Variants in ITPK1 observed in about 807,000 individuals in gnomAD.
ITPK1 encodes the protein inositol-tetrakisphosphate 1-kinase.
In ITPK1, 21 loss-of-function variants were observed where a neutral mutation model predicts 45.3. That is an observed-to-expected ratio of 0.46 (90% CI 0.33 to 0.67). The LOEUF is 0.67. Among genes scored for constraint, ITPK1 ranks in the 30% least tolerant of loss-of-function variants. ITPK1 has a pLI of 0.02. For synonymous variants in ITPK1, 258 were observed against 253.6 expected, an observed-to-expected ratio of 1.02 and a Z score of -0.16; for missense variants, 474 against 573.5, an observed-to-expected ratio of 0.83 and a Z score of 1.77.
intron 4 of ITPK1, among the ~76,000 whole-genome samples, chr14:93,004,399 T>A (rs2139830123): frequency 6.6e-6 from 1 of 152,304 alleles, no homozygotes; most frequent in South Asian, 2.1e-4. Flanking sequence ...AGCTCCCCCA[T>A]CAGCAGACAC....
chr14:93,090,279 T>C (rs1306547755), intron 2 of ITPK1, among the ~76,000 whole-genome samples: 2 of 152,144 alleles, frequency 1.3e-5, no homozygotes, highest in East Asian at 3.9e-4. Flanking sequence ...TGTCCGCCCC[T>C]GGAACGCCCC....
chr14:93,075,179 C>T (rs1891166785), intron 3 of ITPK1, among the ~76,000 whole-genome samples: 1 of 151,500 alleles, frequency 6.6e-6, no homozygotes, highest in South Asian at 2.1e-4. Context: ...ACACAAAAAC[C>T]AGCTGGGTGT....
chr14:92,968,383 A>AG (rs1458297092), intron 5 of ITPK1, among the ~76,000 whole-genome samples: 1 of 152,164 alleles, frequency 6.6e-6, no homozygotes, highest in African/African-American at 2.4e-5. Flanking sequence ...CAATACATTA[A>AG]GGGGAAAAAA....
chr14:93,033,028 C>A (rs1052036274), intron 3 of ITPK1, among the ~76,000 whole-genome samples: 8 of 152,234 alleles, frequency 5.3e-5, no homozygotes, highest in African/African-American at 1.9e-4. Context: ...GAAAGCAGAT[C>A]TGTGCCAATG....
chr14:92,994,339 C>A (rs1248635801), intron 4 of ITPK1, among the ~76,000 whole-genome samples: 1 of 152,174 alleles, frequency 6.6e-6, no homozygotes, highest in Non-Finnish European at 1.5e-5. Context: ...ATGCCCCGCA[C>A]TGATAAGGAC....
chr14:92,986,880 T>A (rs1450648840), intron 5 of ITPK1, among the ~76,000 whole-genome samples: 1 of 152,154 alleles, frequency 6.6e-6, no homozygotes, highest in Non-Finnish European at 1.5e-5. Context: ...TCCAGACCAG[T>A]GCCCTGGGCA....
chr14:93,106,528 T>C (rs1892532527), intron 2 of ITPK1, among the ~76,000 whole-genome samples: 2 of 152,232 alleles, frequency 1.3e-5, no homozygotes, highest in African/African-American at 4.8e-5. Flanking sequence ...GTGGGTCCTT[T>C]AGCTCCTGGA....
At chr14:92,978,874 G>C (rs1185901478) in intron 5 of ITPK1, among the ~76,000 whole-genome samples, 1 of 152,180 alleles carries the variant, frequency 6.6e-6, no homozygotes, top group African/African-American at 2.4e-5. Context: ...TGATGTTAGA[G>C]ACCCCACAGG....
chr14:93,056,754 CT>C (rs1890229750), intron 3 of ITPK1, among the ~76,000 whole-genome samples: 1 of 152,180 alleles, frequency 6.6e-6, no homozygotes, highest in Non-Finnish European at 1.5e-5. Flanking sequence ...GGAGCCCAGG[CT>C]TCAGTGCCAT....
At position 93,115,911 on chromosome 14, in the gene ITPK1, C is replaced by T. The variant is rs1281606383; in HGVS notation, c.-282G>A. 2 of 145,510 alleles carry T rather than the reference C, an allele frequency of 1.4e-5. No homozygotes were observed. The highest frequency in any genetic ancestry group is 3.0e-5 in the Non-Finnish European group (2 of 65,650). 9.0% of individuals were successfully genotyped at this position (145,510 alleles called of 1,614,324 possible). On this transcript the variant is annotated 5_prime_UTR_variant, in exon 1 of 11. Coordinates refer to ENST00000267615, the MANE Select transcript of ITPK1 (RefSeq NM_014216.6). Reference sequence around the variant, plus strand: ...GGCCCGGCCGCCCCGCTTGAGCCCGCGGCGGCGAGGAAGCGGCGGGGCGGC... The same window carrying T: ...GGCCCGGCCGCCCCGCTTGAGCCCGTGGCGGCGAGGAAGCGGCGGGGCGGC...
intron 2 of ITPK1, among the ~76,000 whole-genome samples, chr14:93,097,599 T>C (rs1892132789): frequency 6.6e-6 from 1 of 152,236 alleles, no homozygotes; most frequent in African/African-American, 2.4e-5. Context: ...GGATGGGTTG[T>C]TATGCATCAA....
intron 3 of ITPK1, among the ~76,000 whole-genome samples, chr14:93,075,396 G>T (rs1004575458): frequency 1.4e-5 from 2 of 140,444 alleles, no homozygotes; most frequent in East Asian, 4.4e-4. Context: ...TGCAGAACAT[G>T]CAATTCTCCA....
intron 3 of ITPK1, among the ~76,000 whole-genome samples, chr14:93,047,864 C>T (rs1330118375): frequency 6.6e-6 from 1 of 152,226 alleles, no homozygotes; most frequent in Non-Finnish European, 1.5e-5. Context: ...GATGAAGCTG[C>T]AGGCAACCAG....
chr14:93,023,342 C>G (rs1036916830), intron 3 of ITPK1, among the ~76,000 whole-genome samples: 3 of 152,210 alleles, frequency 2.0e-5, no homozygotes, highest in African/African-American at 7.2e-5. Flanking sequence ...CCAGAGCCCT[C>G]TCTCCCCTCT....
Position 92,939,663 on chromosome 14 carries a change from C to G in ITPK1, c.*1898G>C. On this transcript the variant is annotated 3_prime_UTR_variant, in exon 11 of 11. Transcript: ENST00000267615. ...CATGGCAGTTACTCGGTATCTGGGCCCTGGACGCGCAAGACCCCGGAGGCC... is the reference window on the plus strand; with the variant it reads ...CATGGCAGTTACTCGGTATCTGGGCGCTGGACGCGCAAGACCCCGGAGGCC... The G allele has an allele frequency of 1.0e-6, 1 of 985,288 alleles. No homozygotes were observed. The highest frequency in any genetic ancestry group is 1.2e-6 in the Non-Finnish European group (1 of 829,868). The allele number at this position is 985,288 out of a possible 1,614,324, so 61.0% of individuals were successfully genotyped here.
intron 3 of ITPK1, among the ~76,000 whole-genome samples, chr14:93,031,113 GC>G (rs1889029882): frequency 2.0e-5 from 3 of 152,132 alleles, no homozygotes; most frequent in African/African-American, 7.2e-5. Flanking sequence ...CCAGTTTGTG[GC>G]CCTTTGTGAC....
At chr14:92,962,649 G>T (rs1595090785) in intron 6 of ITPK1, 102 bp downstream of exon 6, 2 of 923,314 alleles carry the variant, frequency 2.2e-6, no homozygotes, top group Non-Finnish European at 1.8e-6. Context: ...ATCCATCCTC[G>T]GGTGAGCTTA....
At chr14:93,019,397 A>C (rs1456357982) in intron 3 of ITPK1, among the ~76,000 whole-genome samples, 1 of 152,174 alleles carries the variant, frequency 6.6e-6, no homozygotes, top group Non-Finnish European at 1.5e-5. Context: ...TTTGGAAAAT[A>C]AGCTCTCCGC....
chr14:92,940,489 G>C lies in ITPK1; in HGVS notation c.*1072C>G. 1 of 1,145,952 alleles carries C rather than the reference G, an allele frequency of 8.7e-7. No individual in the cohort carries two copies. The highest frequency in any genetic ancestry group is 1.1e-6 in the Non-Finnish European group (1 of 920,372). 71.0% of individuals were successfully genotyped at this position (1,145,952 alleles called of 1,614,324 possible). ...CTGGCACCTGCTGGCTCAGTGCTTG[G>C]GGCTTGCAATGAGAGGTGGACCAGG... On this transcript the variant is annotated 3_prime_UTR_variant, in exon 11 of 11. Transcript: ENST00000267615.
Sources: gnomAD v4.1 joint callset for allele counts (sites outside exome capture counted in the v4.1 genomes callset) on GRCh38, gnomAD v4.1.1 for gene constraint, MANE v1.5 for transcripts, NCBI Gene and HGNC (gene_info 2026-07-23, HGNC 2026-07-21) for gene names.